The following HTR3C variants were observed in gnomAD, a reference collection of about 807,000 sequenced individuals.
The protein encoded by HTR3C is 5-hydroxytryptamine receptor 3C.
In HTR3C, 32 loss-of-function variants were observed where a neutral mutation model predicts 40.5. That is an observed-to-expected ratio of 0.79 (90% CI 0.60 to 1.06). HTR3C has a LOEUF of 1.06. Ranked by LOEUF, HTR3C falls within the 50% of genes least tolerant of loss-of-function variation. The pLI, the probability that HTR3C is intolerant of heterozygous loss-of-function variation, is 0.00. For missense variants in HTR3C, 523 were observed against 556.8 expected, an observed-to-expected ratio of 0.94 and a Z score of 0.61; for synonymous variants, 209 against 217.1, an observed-to-expected ratio of 0.96 and a Z score of 0.33.
intron 2 of HTR3C, 29 bp downstream of exon 2, chr3:184,054,916 TG>T: frequency 6.4e-7 from 1 of 1,573,820 alleles, no homozygotes; most frequent in Non-Finnish European, 8.6e-7. Flanking sequence ...ATCTTTTCCA[TG>T]GCTTCTAATA....
intron 4 of HTR3C, among the ~76,000 whole-genome samples, chr3:184,056,628 A>C (rs891238325): frequency 6.6e-6 from 1 of 152,166 alleles, no homozygotes; most frequent in Admixed American, 6.5e-5. Flanking sequence ...ATCCCTGTAA[A>C]TCCCAGCTAC....
intron 7 of HTR3C, 71 bp downstream of exon 7, chr3:184,059,711 C>T (rs1308791610): frequency 1.6e-5 from 26 of 1,593,190 alleles, no homozygotes; most frequent in Non-Finnish European, 2.1e-5. Flanking sequence ...GAGAAATGGC[C>T]GCTGCTCCAC....
At position 184,060,485 on chromosome 3, in the gene HTR3C, C is replaced by A; in HGVS notation, c.*133C>A. On this transcript the variant is annotated 3_prime_UTR_variant, in exon 9 of 9. Transcript: ENST00000318351. ...GTCCCCTTCTAAATTCCAAAGACTC[C>A]AACGCAGCACTAGCAAGCAGGTTCG... 2 of 1,143,942 alleles carry A rather than the reference C, an allele frequency of 1.7e-6. No individual in the cohort carries two copies. The highest frequency in any genetic ancestry group is 2.6e-6 in the Non-Finnish European group (2 of 781,060). The allele number at this position is 1,143,942 out of a possible 1,614,324, so 70.9% of individuals were successfully genotyped here.
chr3:184,054,950 G>A, intron 2 of HTR3C, 63 bp downstream of exon 2: 2 of 1,505,738 alleles, frequency 1.3e-6, no homozygotes, highest in Non-Finnish European at 1.8e-6. Flanking sequence ...CCTCTGCCCT[G>A]TCAACCCAAC....
At position 184,060,027 on chromosome 3, in the gene HTR3C, C is replaced by T. The variant is rs1723413232; in HGVS notation, c.1125C>T (p.Thr375=). The change falls in exon 8 of 9, where the codon ACC becomes ACT. Residue 375 remains threonine (T), a synonymous_variant. Coordinates refer to ENST00000318351, the MANE Select transcript of HTR3C (RefSeq NM_130770.3). ...PQKGNKGLGL[T]LTHLPGPKEP... ...AGGGAAATAAGGGCCTGGGTCTCACCCTCACCCACCTGCCTGGTGAGGGAA... is the reference window on the plus strand; with the variant it reads ...AGGGAAATAAGGGCCTGGGTCTCACTCTCACCCACCTGCCTGGTGAGGGAA... 1 of 1,613,660 alleles carries T rather than the reference C, an allele frequency of 6.2e-7. No individual in the cohort carries two copies. Among genetic ancestry groups the T allele is most frequent in the Non-Finnish European group, 8.5e-7 (1 of 1,179,890 alleles).
chr3:184,054,373 G>C (rs1297829990), intron 1 of HTR3C, among the ~76,000 whole-genome samples: 1 of 152,196 alleles, frequency 6.6e-6, no homozygotes, highest in Non-Finnish European at 1.5e-5. Flanking sequence ...GTTTTGGGCA[G>C]TTCTACTGCT....
chr3:184,057,611 G>A (rs937272574), intron 5 of HTR3C, among the ~76,000 whole-genome samples: 1 of 151,762 alleles, frequency 6.6e-6, no homozygotes, highest in East Asian at 1.9e-4. Flanking sequence ...GTGGGCGCCT[G>A]TAGTCCCAGC....
Position 184,059,557 on chromosome 3 carries a change from T to G in HTR3C, c.842T>G (p.Phe281Cys), listed in dbSNP as rs147235961. The G allele has an allele frequency of 1.9e-5, 30 of 1,613,934 alleles. No individual in the cohort carries two copies. In the African/African-American group the frequency reaches 3.6e-4, roughly 19 times the overall value. The change falls in exon 7 of 9, where the codon TTC (phenylalanine) becomes TGC (cysteine). Residue 281 changes from phenylalanine (F) to cysteine (C), a missense_variant. By Grantham distance (205) the Phe-to-Cys change is radical. Coordinates refer to ENST00000318351, the MANE Select transcript of HTR3C (RefSeq NM_130770.3). The part of the protein sequence containing the change: ...LPAESENRAP[F>C]KITLLLGYNV... ...GCAGAGAGCGAGAATCGTGCCCCATTCAAGATAACACTTCTGCTGGGCTAC... is the reference window on the plus strand; with the variant it reads ...GCAGAGAGCGAGAATCGTGCCCCATGCAAGATAACACTTCTGCTGGGCTAC...
intron 1 of HTR3C, among the ~76,000 whole-genome samples, chr3:184,053,960 G>T (rs150381526): frequency 6.5e-4 from 99 of 152,088 alleles, no homozygotes; most frequent in Non-Finnish European, 7.1e-4. Flanking sequence ...TCACCATGTC[G>T]GCCAGGATGG....
In HTR3C at chr3:184,059,423, G is replaced by C; in HGVS notation, c.721-13G>C. On this transcript the variant is annotated splice_polypyrimidine_tract_variant and intron_variant, in intron 6 of 8. Coordinates refer to ENST00000318351, the MANE Select transcript of HTR3C (RefSeq NM_130770.3). Reference sequence around the variant, plus strand: ...CATCTATTTATTTGCCATCTTCTCCGGTCTCTCTCCAGGTGGCCATCAGGC... The same window carrying C: ...CATCTATTTATTTGCCATCTTCTCCCGTCTCTCTCCAGGTGGCCATCAGGC... 1 of 1,612,288 alleles carries C rather than the reference G, an allele frequency of 6.2e-7. No individual in the cohort carries two copies. The highest frequency in any genetic ancestry group is 1.3e-5 in the African/African-American group (1 of 74,976).
chr3:184,055,955 A>C (rs1159471853), intron 3 of HTR3C, among the ~76,000 whole-genome samples: 2 of 148,246 alleles, frequency 1.3e-5, no homozygotes, highest in East Asian at 4.0e-4. Context: ...CCTAACTCCA[A>C]GTGGTTTTAG....
chr3:184,057,138 T>C, intron 5 of HTR3C, 94 bp downstream of exon 5: 1 of 898,618 alleles, frequency 1.1e-6, no homozygotes, highest in Non-Finnish European at 1.7e-6. Flanking sequence ...TCAGTGTTGC[T>C]CCACTCCGGT....
chr3:184,056,304 G>A lies in HTR3C; in HGVS notation c.389+18G>A, dbSNP rs1315504454. On this transcript the variant is annotated intron_variant, in intron 4 of 8. Coordinates refer to ENST00000318351, the MANE Select transcript of HTR3C (RefSeq NM_130770.3). ...GTGGAATCGTGCGTATGCAGGCTGGGGAAGCCAGCGTGAAACCTCATCTGC... is the reference window on the plus strand; with the variant it reads ...GTGGAATCGTGCGTATGCAGGCTGGAGAAGCCAGCGTGAAACCTCATCTGC... 1 of 1,548,354 alleles carries A rather than the reference G, an allele frequency of 6.5e-7. No individual in the cohort carries two copies. Among genetic ancestry groups the A allele is most frequent in the South Asian group, 1.1e-5 (1 of 89,734 alleles).
chr3:184,055,937 G>T (rs1723315127), intron 3 of HTR3C, among the ~76,000 whole-genome samples: 1 of 133,040 alleles, frequency 7.5e-6, no homozygotes, highest in Non-Finnish European at 1.5e-5. Flanking sequence ...CCAATATATT[G>T]GTGTGGTCCT....
At position 184,060,513 on chromosome 3, in the gene HTR3C, A is replaced by G. The variant is rs1723426951; in HGVS notation, c.*161A>G. 3 of 834,934 alleles carry G rather than the reference A, an allele frequency of 3.6e-6. No individual in the cohort carries two copies. Among genetic ancestry groups the G allele is most frequent in the Non-Finnish European group, 5.6e-6 (3 of 531,272 alleles). 51.7% of individuals were successfully genotyped at this position (834,934 alleles called of 1,614,324 possible). A position where few individuals can be genotyped will look rare whatever the true frequency, so the allele number is the denominator to read the frequency against. On this transcript the variant is annotated 3_prime_UTR_variant, in exon 9 of 9. Transcript: ENST00000318351. ...CGCAGCACTAGCAAGCAGGTTCGGG[A>G]CAGCCCTGGACGATTTCCCGACCGC...
At chr3:184,055,655 A>G (rs1203721848) in intron 3 of HTR3C, among the ~76,000 whole-genome samples, 1 of 151,816 alleles carries the variant, frequency 6.6e-6, no homozygotes, top group Non-Finnish European at 1.5e-5. Flanking sequence ...CAGAGGTTGC[A>G]GAGAGCCAAG....
In HTR3C at chr3:184,060,048, G is replaced by A; in HGVS notation, c.1141+5G>A. ...TCACCCTCACCCACCTGCCTGGTGAGGGAAGCCAGCACTGTCCATACTCGC... is the reference window on the plus strand; with the variant it reads ...TCACCCTCACCCACCTGCCTGGTGAAGGAAGCCAGCACTGTCCATACTCGC... On this transcript the variant is annotated splice_donor_5th_base_variant and intron_variant, in intron 8 of 8. Transcript: ENST00000318351. The A allele has an allele frequency of 1.2e-6, 2 of 1,612,316 alleles. No homozygotes were observed. The highest frequency in any genetic ancestry group is 8.5e-7 in the Non-Finnish European group (1 of 1,179,372).
intron 3 of HTR3C, 54 bp downstream of exon 3, chr3:184,055,410 G>C: frequency 7.4e-7 from 1 of 1,343,080 alleles, no homozygotes; most frequent in South Asian, 1.2e-5. Flanking sequence ...TTAAGCCTGA[G>C]GAGTTAGAAG....
chr3:184,056,917 C>G lies in HTR3C; in HGVS notation c.432C>G (p.Ile144Met), dbSNP rs866246828. The change falls in exon 5 of 9, where the codon ATC (isoleucine) becomes ATG (methionine). Residue 144 changes from isoleucine to methionine, a missense_variant. Coordinates refer to ENST00000318351, the MANE Select transcript of HTR3C (RefSeq NM_130770.3). ...DQTPSGLTAY[I>M]SSEGRIKYDK... ...CGCCTTCCGGTCTCACTGCCTATAT[C>G]AGCAGTGAAGGTCGAATTAAGTATG... 1 of 1,613,602 alleles carries G rather than the reference C, an allele frequency of 6.2e-7. No homozygotes were observed. The highest frequency in any genetic ancestry group is 8.5e-7 in the Non-Finnish European group (1 of 1,179,640).
Sources: allele counts gnomAD v4.1 joint callset (sites outside exome capture counted in the v4.1 genomes callset), GRCh38; gene constraint gnomAD v4.1.1; transcripts MANE v1.5; gene names NCBI Gene and HGNC (gene_info 2026-07-23, HGNC 2026-07-21).